The following MBOAT7 variants were observed in gnomAD, a reference collection of about 807,000 sequenced individuals.
MBOAT7 encodes the protein membrane-bound acylglycerophosphatidylinositol O-acyltransferase MBOAT7.
MBOAT7 carries 40 observed loss-of-function variants against 47.4 expected under a neutral mutation model. That is an observed-to-expected ratio of 0.84 (90% CI 0.66 to 1.10). The LOEUF is 1.10. Ranked by LOEUF, MBOAT7 falls within the 50% of genes least tolerant of loss-of-function variation. MBOAT7 has a pLI of 0.00. For synonymous variants in MBOAT7, 361 were observed against 292.0 expected, an observed-to-expected ratio of 1.24 and a Z score of -2.41; for missense variants, 680 against 655.6, an observed-to-expected ratio of 1.04 and a Z score of -0.41.
intron 4 of MBOAT7, 137 bp downstream of exon 4, chr19:54,187,024 G>A: frequency 9.3e-7 from 1 of 1,075,758 alleles, no homozygotes; most frequent in South Asian, 1.6e-5. Context: ...TGTGCCCAGG[G>A]CAGCAAGTGA....
At chr19:54,188,618 G>A (rs2076530594) in intron 1 of MBOAT7, 107 bp from the exon 2 acceptor site, 1 of 1,033,340 alleles carries the variant, frequency 9.7e-7, no homozygotes, top group Admixed American at 2.7e-5. Context: ...CAGTTTTTGA[G>A]GATGATGGAG....
chr19:54,187,081 G>C, intron 4 of MBOAT7, 80 bp downstream of exon 4: 2 of 1,470,928 alleles, frequency 1.4e-6, no homozygotes, highest in African/African-American at 2.8e-5. Flanking sequence ...ATCCCGGGGA[G>C]CCACTGAAGG....
In MBOAT7 at chr19:54,177,496, C is replaced by T. The variant is rs185389718; in HGVS notation, c.1031+1269G>A. Among the ~76,000 whole-genome samples, 356 of 152,028 alleles carry T rather than the reference C, an allele frequency of 2.3e-3. 13 individuals carry two copies. Among genetic ancestry groups the T allele is most frequent in the Admixed American group, 0.021 (324 of 15,248 alleles). On this transcript the variant is annotated intron_variant, in intron 7 of 7. Transcript: ENST00000245615. ...ATTTTTAGTAGAGACAGGGTTTCAC[C>T]GTGTTAGCCAGGATGGTCTTGATCT...
chr19:54,176,608 C>T (rs762334588), intron 7 of MBOAT7, among the ~76,000 whole-genome samples: 8 of 152,158 alleles, frequency 5.3e-5, no homozygotes, highest in South Asian at 4.1e-4. Flanking sequence ...CCACGACATC[C>T]GACTAGCACC....
intron 1 of MBOAT7, 25 bp from the exon 2 acceptor site, chr19:54,188,536 G>C (rs1330713797): frequency 6.5e-7 from 1 of 1,548,628 alleles, no homozygotes; most frequent in South Asian, 1.2e-5. Context: ...GAGATTCACA[G>C]TGAGAACCCA....
At chr19:54,181,492 C>G (rs1481825740) in intron 5 of MBOAT7, among the ~76,000 whole-genome samples, 2 of 150,710 alleles carry the variant, frequency 1.3e-5, no homozygotes, top group African/African-American at 2.4e-5. Flanking sequence ...CCCATCACTA[C>G]AAAAAATAAA....
chr19:54,174,546 C>G (rs2076024607), intron 7 of MBOAT7, 115 bp from the exon 8 acceptor site: 3 of 1,077,894 alleles, frequency 2.8e-6, no homozygotes, highest in South Asian at 3.6e-5. Flanking sequence ...GAAGTGCAGG[C>G]CCAGCCCCTC....
chr19:54,175,869 T>C (rs187712156), intron 7 of MBOAT7, among the ~76,000 whole-genome samples: 178 of 152,276 alleles, frequency 1.2e-3, no homozygotes, highest in Non-Finnish European at 2.0e-3. Flanking sequence ...GGACTACAGG[T>C]GCCCACCACC....
In MBOAT7 at chr19:54,183,558, T is replaced by C. The variant is rs1420479019; in HGVS notation, c.456A>G (p.Thr152=). The change falls in exon 5 of 8, where the codon ACA becomes ACG. Residue 152 remains threonine, a synonymous_variant. Coordinates refer to ENST00000245615, the MANE Select transcript of MBOAT7 (RefSeq NM_024298.5). ...CCACGTAGCAGTAGCTGTAGCTGAG[T>C]GTCTCCATCAGGGAGGGCACGTCGG... The part of the protein sequence containing the change: ...LLPDVPSLME[T]LSYSYCYVGI... 1.2e-6 allele frequency: 2 copies of C among 1,607,900 alleles called. No individual in the cohort carries two copies. The highest frequency in any genetic ancestry group is 3.4e-5 in the Admixed American group (2 of 58,956).
In MBOAT7 at chr19:54,178,765, C is replaced by A. The variant is rs761899500; in HGVS notation, c.1031G>T (p.Arg344Leu). 5 of 1,613,138 alleles carry A rather than the reference C, an allele frequency of 3.1e-6. No homozygotes were observed. The highest frequency in any genetic ancestry group is 2.7e-5 in the African/African-American group (2 of 74,944). The change falls in exon 7 of 8, where the codon CGG becomes CTG. Residue 344 changes from arginine (R) to leucine (L), a missense_variant and splice_region_variant. Arg to Leu is a moderately radical substitution (Grantham distance 102). Transcript: ENST00000245615. ...KSAPARSYVL[R>L]SAWTMLLSAY... The stretch of plus-strand genomic sequence containing the variant: ...CCTGAGACTGGGCGGGCTCACTCAC[C>A]GCAGGACATAGGAACGGGCAGGTGC...
chr19:54,185,563 C>A (rs1392144198), intron 4 of MBOAT7, among the ~76,000 whole-genome samples: 2 of 152,196 alleles, frequency 1.3e-5, no homozygotes, highest in Non-Finnish European at 2.9e-5. Flanking sequence ...AGCCAGCCAA[C>A]GGCCTGTATC....
rs544817606 is a variant in MBOAT7 at position 54,175,283 on chromosome 19, G to A, written c.1032-852C>T. Among the ~76,000 whole-genome samples, 35 of 152,278 alleles carry A rather than the reference G, an allele frequency of 2.3e-4. 1 individual carries two copies. The East Asian group carries it at 3.1e-3, about 13-fold the overall frequency. On this transcript the variant is annotated intron_variant, in intron 7 of 7. Coordinates refer to ENST00000245615, the MANE Select transcript of MBOAT7 (RefSeq NM_024298.5). ...GTCAGACACCACACCCGGGCAGCCC[G>A]GTGGTTCTTAACCTGGGGTCCCAGG...
chr19:54,177,151 A>AAATACTAATACTAATACT (rs71195744), intron 7 of MBOAT7, among the ~76,000 whole-genome samples: 28,535 of 145,918 alleles, frequency 0.2, 3,097 homozygotes, highest in East Asian at 0.39. Context: ...CAGAGCATCA[A>AAATACTAATACTAATACT]AATACTAATA....
At chr19:54,181,624 AG>A (rs2076273402) in intron 5 of MBOAT7, among the ~76,000 whole-genome samples, 1 of 27,014 alleles carries the variant, frequency 3.7e-5, no homozygotes, top group African/African-American at 1.5e-4. Flanking sequence ...CCAGGGAGGG[AG>A]GGAGGGAGGG....
rs553929263 is a variant in MBOAT7 at position 54,188,309 on chromosome 19, G to A, written c.114C>T (p.Gly38=). The A allele has an allele frequency of 7.6e-5, 123 of 1,614,030 alleles. 2 individuals are homozygous for A. In the South Asian group the frequency reaches 1.2e-3, roughly 15 times the overall value. Residue 38 remains glycine, a synonymous_variant, in exon 3 of 8, where the codon GGC becomes GGT. Transcript: ENST00000245615. The part of the protein sequence containing the change: ...GLKRWGAAAV[G]LGLTLFTCGP... ...CACAGGTGAACAGGGTGAGCCCCAGGCCCACAGCGGCTGCTCCCCATCTCT... is the reference window on the plus strand; with the variant it reads ...CACAGGTGAACAGGGTGAGCCCCAGACCCACAGCGGCTGCTCCCCATCTCT...
In MBOAT7 at chr19:54,178,862, G is replaced by A. The variant is rs758487661; in HGVS notation, c.934C>T (p.Arg312Trp). The A allele has an allele frequency of 3.7e-6, 6 of 1,613,638 alleles. No individual in the cohort carries two copies. The highest frequency in any genetic ancestry group is 2.2e-5 in the South Asian group (2 of 91,086). ...CAGTACCGCATGCCATCGCGCACCC[G>A]CACGCAGAAATCTGTGCTGTAGCAG... ...IDCYSTDFCV[R>W]VRDGMRYWNM... Residue 312 changes from arginine to tryptophan, a missense_variant, in exon 7 of 8, where the codon CGG becomes TGG. By Grantham distance (101) the Arg-to-Trp change is moderately radical. Transcript: ENST00000245615.
At chr19:54,187,376 C>G in intron 3 of MBOAT7, 89 bp from the exon 4 acceptor site, 2 of 1,438,860 alleles carry the variant, frequency 1.4e-6, no homozygotes, top group Non-Finnish European at 1.9e-6. Flanking sequence ...AATCCTCCCC[C>G]AGCTCTCCCC....
At chr19:54,183,050 G>A (rs888309334) in intron 5 of MBOAT7, among the ~76,000 whole-genome samples, 3 of 152,104 alleles carry the variant, frequency 2.0e-5, no homozygotes, top group Non-Finnish European at 4.4e-5. Flanking sequence ...TTAAAATAAA[G>A]GGACGGGATC....
Position 54,178,872 on chromosome 19 carries a change from A to T in MBOAT7, c.924T>A (p.Asp308Glu). ...TIRNIDCYST[D>E]FCVRVRDGMR... ...TGCCATCGCGCACCCGCACGCAGAA[A>T]TCTGTGCTGTAGCAGTCGATGTTGC... Residue 308 changes from aspartate (D) to glutamate (E), a missense_variant, in exon 7 of 8, where the codon GAT (aspartate) becomes GAA (glutamate). Physicochemically the swap from Asp to Glu is conservative, Grantham distance 45 (BLOSUM62 2). Coordinates refer to ENST00000245615, the MANE Select transcript of MBOAT7 (RefSeq NM_024298.5). 1.2e-6 allele frequency: 2 copies of T among 1,613,642 alleles called. No individual in the cohort carries two copies. The highest frequency in any genetic ancestry group is 1.7e-6 in the Non-Finnish European group (2 of 1,180,026).
Sources: allele counts gnomAD v4.1 joint callset (sites outside exome capture counted in the v4.1 genomes callset), GRCh38; gene constraint gnomAD v4.1.1; transcripts MANE v1.5; gene names NCBI Gene and HGNC (gene_info 2026-07-23, HGNC 2026-07-21).